Variants in KLHL4 observed in about 807,000 individuals in gnomAD.
KLHL4 encodes kelch-like protein 4.
In KLHL4, 17 loss-of-function variants were observed where a neutral mutation model predicts 45.8. The observed-to-expected ratio is 0.37, with a 90% CI of 0.25 to 0.56. KLHL4 has a LOEUF of 0.56. Among genes scored for constraint, KLHL4 ranks in the 20% least tolerant of loss-of-function variants. The probability of loss-of-function intolerance (pLI) is 0.79; values close to 1 mark genes in which losing one functional copy is unlikely to be tolerated. For missense variants in KLHL4, 544 were observed against 544.9 expected, an observed-to-expected ratio of 1.00 and a Z score of 0.02; for synonymous variants, 224 against 189.9, an observed-to-expected ratio of 1.18 and a Z score of -1.47.
At chrX:87,560,627 T>A (rs1193800673) in intron 1 of KLHL4, among the ~76,000 whole-genome samples, 1 of 111,346 alleles carries the variant, frequency 9.0e-6, no homozygotes, top group East Asian at 2.8e-4. Context: ...CCACTCCCAC[T>A]TCCTGGCAAC....
intron 9 of KLHL4, among the ~76,000 whole-genome samples, chrX:87,661,041 G>T (rs1924170999): frequency 8.9e-6 from 1 of 112,094 alleles, no homozygotes; most frequent in South Asian, 3.7e-4. Context: ...AGCTGTGAAG[G>T]TTTTTTGCTA....
At chrX:87,647,469 A>C (rs2147834117) in intron 9 of KLHL4, among the ~76,000 whole-genome samples, 1 of 112,415 alleles carries the variant, frequency 8.9e-6, no homozygotes, top group South Asian at 3.6e-4. Flanking sequence ...GCAATTGCAA[A>C]AATATGGAAC....
intron 1 of KLHL4, among the ~76,000 whole-genome samples, chrX:87,603,599 G>A (rs1310823856): frequency 1.8e-5 from 2 of 110,155 alleles, no homozygotes; most frequent in African/African-American, 6.6e-5. Context: ...ATATAGTTAT[G>A]AAGTACAATT....
chrX:87,624,363 T>C (rs919847364), intron 5 of KLHL4, among the ~76,000 whole-genome samples: 2 of 111,930 alleles, frequency 1.8e-5, no homozygotes, highest in Admixed American at 9.5e-5. Context: ...AAATGAAATA[T>C]ATAAAAAGGA....
At chrX:87,585,277 CAATA>C (rs1921429109) in intron 1 of KLHL4, among the ~76,000 whole-genome samples, 1 of 110,968 alleles carries the variant, frequency 9.0e-6, no homozygotes, top group South Asian at 3.7e-4. Flanking sequence ...CATTAATGAT[CAATA>C]AATAATTGCC....
intron 9 of KLHL4, among the ~76,000 whole-genome samples, chrX:87,656,936 T>C (rs2147839888): frequency 8.9e-6 from 1 of 111,999 alleles, no homozygotes; most frequent in Admixed American, 9.5e-5. Flanking sequence ...TGAGTCTCAG[T>C]GTTTTCAGTG....
intron 1 of KLHL4, among the ~76,000 whole-genome samples, chrX:87,554,745 C>T (rs1931928047): frequency 9.6e-6 from 1 of 104,274 alleles, no homozygotes; most frequent in Non-Finnish European, 1.9e-5. Context: ...CCAGAACTTC[C>T]AACACTATGT....
chrX:87,606,952 T>G (rs758070477), intron 1 of KLHL4, among the ~76,000 whole-genome samples: 4 of 111,778 alleles, frequency 3.6e-5, no homozygotes, highest in Non-Finnish European at 7.5e-5. Context: ...AAGTAAGAAA[T>G]AACACTATTG....
chrX:87,652,172 C>T (rs943902950), intron 9 of KLHL4, among the ~76,000 whole-genome samples: 3 of 112,291 alleles, frequency 2.7e-5, no homozygotes, highest in African/African-American at 9.7e-5. Flanking sequence ...CACCAAGTCC[C>T]TAGGCTGCAC....
In KLHL4 at chrX:87,524,784, C is replaced by A. The variant is rs73244398; in HGVS notation, c.422+6469C>A. The stretch of plus-strand genomic sequence containing the variant: ...AATTGTAACATATTTACGATACTAA[C>A]AAAATGTTAATAGTAAAATAAATTG... On this transcript the variant is annotated intron_variant, in intron 1 of 10. Transcript: ENST00000373119. Among the ~76,000 whole-genome samples the A allele has an allele frequency of 9.3e-3, 1,044 of 111,885 alleles. 11 individuals are homozygous for A. Among genetic ancestry groups the A allele is most frequent in the East Asian group, 0.055 (196 of 3,565 alleles).
chrX:87,605,999 T>A (rs1011503583), intron 1 of KLHL4, among the ~76,000 whole-genome samples: 1 of 111,504 alleles, frequency 9.0e-6, no homozygotes, highest in Non-Finnish European at 1.9e-5. Flanking sequence ...TCATATGGTC[T>A]TGTTTGTTTT....
intron 9 of KLHL4, 122 bp from the exon 10 acceptor site, chrX:87,664,642 G>T: frequency 2.1e-6 from 1 of 468,793 alleles, no homozygotes; most frequent in South Asian, 4.4e-5. Context: ...ATCTACATTT[G>T]ATATTTGTAT....
intron 1 of KLHL4, among the ~76,000 whole-genome samples, chrX:87,597,759 C>T (rs1197038194): frequency 9.0e-6 from 1 of 111,246 alleles, no homozygotes; most frequent in Non-Finnish European, 1.9e-5. Context: ...AGTCTGTGCA[C>T]CTGTGTTGTT....
intron 1 of KLHL4, among the ~76,000 whole-genome samples, chrX:87,574,397 C>A (rs1407124336): frequency 9.0e-6 from 1 of 111,182 alleles, no homozygotes; most frequent in Non-Finnish European, 1.9e-5. Flanking sequence ...AATTATTTTT[C>A]AGGGGAAATG....
chrX:87,599,941 C>A (rs913230165), intron 1 of KLHL4, among the ~76,000 whole-genome samples: 1 of 112,140 alleles, frequency 8.9e-6, no homozygotes, highest in African/African-American at 3.2e-5. Context: ...AGGAGGAATC[C>A]CATTATTCTG....
At chrX:87,592,064 C>A (rs1325872478) in intron 1 of KLHL4, among the ~76,000 whole-genome samples, 1 of 109,480 alleles carries the variant, frequency 9.1e-6, no homozygotes, top group Non-Finnish European at 1.9e-5. Flanking sequence ...TTCATGAGAT[C>A]AACTGTTTTA....
chrX:87,531,694 A>G (rs1340716023), intron 1 of KLHL4, among the ~76,000 whole-genome samples: 1 of 104,045 alleles, frequency 9.6e-6, no homozygotes, highest in Non-Finnish European at 2.0e-5. Context: ...AATAACAGAC[A>G]AACAGAGAGC....
At chrX:87,582,250 C>A (rs1412084236) in intron 1 of KLHL4, among the ~76,000 whole-genome samples, 1 of 110,051 alleles carries the variant, frequency 9.1e-6, no homozygotes, top group Non-Finnish European at 1.9e-5. Flanking sequence ...ACTCATGGTA[C>A]CTGGTTTTAA....
intron 1 of KLHL4, among the ~76,000 whole-genome samples, chrX:87,572,047 A>G (rs758276206): frequency 2.0e-4 from 19 of 95,831 alleles, no homozygotes; most frequent in African/African-American, 7.0e-4. Context: ...ATAAAAAATA[A>G]CAGTTAGCCA....
Sources: allele counts gnomAD v4.1 joint callset (sites outside exome capture counted in the v4.1 genomes callset), GRCh38; gene constraint gnomAD v4.1.1; transcripts MANE v1.5; gene names NCBI Gene and HGNC (gene_info 2026-07-23, HGNC 2026-07-21).